Variants in ZNG1F observed in about 807,000 individuals in gnomAD.
The protein encoded by ZNG1F is zinc-regulated GTPase metalloprotein activator 1F.
chr9:41,193,150 C>T, the ZNG1F span, among the ~76,000 whole-genome samples: 1 of 134,418 alleles, frequency 7.4e-6, no homozygotes, highest in African/African-American at 2.7e-5. Context: ...TAAATGGCAG[C>T]CCTTGGGCTC....
chr9:41,154,610 C>G, the ZNG1F span, among the ~76,000 whole-genome samples: 2 of 145,828 alleles, frequency 1.4e-5, no homozygotes, highest in Non-Finnish European at 1.5e-5. Context: ...AACTATACTA[C>G]AAGGCTACAG....
At chr9:41,187,150 C>T in the ZNG1F span, among the ~76,000 whole-genome samples, 34 of 146,452 alleles carry the variant, frequency 2.3e-4, 1 homozygote, top group African/African-American at 8.3e-4. Context: ...CACTTTAAGA[C>T]ATAGTTCATT....
At chr9:41,157,082 A>G in the ZNG1F span, 19 of 101,112 alleles carry the variant, frequency 1.9e-4, no homozygotes, top group East Asian at 5.6e-4. Flanking sequence ...ACATATCACA[A>G]TTAGCATTAG....
the ZNG1F span, among the ~76,000 whole-genome samples, chr9:41,183,218 A>ATTT: frequency 1.3e-3 from 187 of 142,842 alleles, 13 homozygotes; most frequent in African/African-American, 4.6e-3. Flanking sequence ...TTTGATAGTC[A>ATTT]TTTTTTTTTT....
chr9:41,136,456 G>T, the ZNG1F span, among the ~76,000 whole-genome samples: 2 of 29,356 alleles, frequency 6.8e-5, 1 homozygote, highest in Non-Finnish European at 2.3e-4. Flanking sequence ...AAGGATATTG[G>T]TCTGTAGTTT....
At chr9:41,183,503 C>T in the ZNG1F span, 11 of 1,476,148 alleles carry the variant, frequency 7.5e-6, no homozygotes, top group Non-Finnish European at 1.0e-5. Flanking sequence ...AAAATTAAAG[C>T]TGGAAATATA....
the ZNG1F span, chr9:41,157,289 C>A: frequency 5.6e-5 from 8 of 143,178 alleles, no homozygotes; most frequent in East Asian, 2.1e-4. Context: ...CGTGGTGAAA[C>A]CCTGTCTCTA....
the ZNG1F span, among the ~76,000 whole-genome samples, chr9:41,156,120 A>C: frequency 7.6e-6 from 1 of 132,240 alleles, no homozygotes; most frequent in Non-Finnish European, 1.6e-5. Flanking sequence ...AGTATTAGAC[A>C]TAGTGTTTGG....
the ZNG1F span, among the ~76,000 whole-genome samples, chr9:41,180,168 CTTTT>C: frequency 6.0e-5 from 1 of 16,796 alleles, no homozygotes; most frequent in Non-Finnish European, 9.9e-5. Flanking sequence ...ATAAACACAG[CTTTT>C]TTTTTTTTTT....
At chr9:41,203,269 T>C in the ZNG1F span, among the ~76,000 whole-genome samples, 3 of 152,194 alleles carry the variant, frequency 2.0e-5, no homozygotes, top group Non-Finnish European at 4.4e-5. Context: ...TGTAAATGTC[T>C]TGTGTTTTCA....
the ZNG1F span, among the ~76,000 whole-genome samples, chr9:41,135,733 G>T: frequency 9.3e-6 from 1 of 107,324 alleles, no homozygotes; most frequent in Non-Finnish European, 1.9e-5. Context: ...TGTAGATTCT[G>T]GATATTTGTT....
the ZNG1F span, among the ~76,000 whole-genome samples, chr9:41,193,043 A>T: frequency 6.7e-6 from 1 of 148,504 alleles, no homozygotes; most frequent in Non-Finnish European, 1.5e-5. Context: ...TATCCCATTT[A>T]ACTCTCCAAG....
the ZNG1F span, among the ~76,000 whole-genome samples, chr9:41,138,866 TCC>T: frequency 7.4e-6 from 1 of 135,562 alleles, no homozygotes; most frequent in Non-Finnish European, 1.6e-5. Flanking sequence ...TGAATATTTC[TCC>T]CTTTACTTCT....
chr9:41,142,040 AT>A, the ZNG1F span, among the ~76,000 whole-genome samples: 2 of 145,594 alleles, frequency 1.4e-5, no homozygotes, highest in African/African-American at 2.6e-5. Context: ...TGTAACCAAC[AT>A]GTTTCAGGCC....
chr9:41,203,088 A>T, the ZNG1F span, among the ~76,000 whole-genome samples: 1 of 152,258 alleles, frequency 6.6e-6, no homozygotes, highest in African/African-American at 2.4e-5. Context: ...TTTGGCAGGG[A>T]TACTACAAGT....
chr9:41,195,562 A>G, the ZNG1F span, among the ~76,000 whole-genome samples: 1 of 143,520 alleles, frequency 7.0e-6, no homozygotes, highest in Non-Finnish European at 1.5e-5. Flanking sequence ...GTCTTAGCTT[A>G]CAGTTGAGTC....
chr9:41,156,062 C>T, the ZNG1F span, among the ~76,000 whole-genome samples: 8 of 119,742 alleles, frequency 6.7e-5, 1 homozygote, highest in Admixed American at 1.8e-4. Context: ...TGTGTGAAAA[C>T]GCTAAGCTAA....
chr9:41,193,174 C>G, the ZNG1F span, among the ~76,000 whole-genome samples: 4 of 137,006 alleles, frequency 2.9e-5, no homozygotes, highest in East Asian at 9.1e-4. Flanking sequence ...CCAAACCTGC[C>G]TGACACTAAA....
the ZNG1F span, among the ~76,000 whole-genome samples, chr9:41,155,373 G>T: frequency 1.3e-5 from 2 of 148,502 alleles, 1 homozygote; most frequent in Admixed American, 1.4e-4. Context: ...TGGAGAGGAT[G>T]TGGAGAAATA....
Sources: gnomAD v4.1 joint callset for allele counts (sites outside exome capture counted in the v4.1 genomes callset) on GRCh38, gnomAD v4.1.1 for gene constraint, MANE v1.5 for transcripts, NCBI Gene and HGNC (gene_info 2026-07-23, HGNC 2026-07-21) for gene names.